PARD3B: variants seen among roughly 807,000 people sequenced by gnomAD.
The protein encoded by PARD3B is par-3 family cell polarity regulator beta.
PARD3B carries 103 observed loss-of-function variants against 130.2 expected under a neutral mutation model. The ratio of observed to expected loss-of-function variants is 0.79; its 90% confidence interval spans 0.67 to 0.93. PARD3B has a LOEUF of 0.93. PARD3B is among the 40% of genes least tolerant of loss of function. The pLI is 0.00. For synonymous variants in PARD3B, 583 were observed against 553.2 expected (o/e 1.05, Z -0.76); for missense variants, 1,609 against 1,499.2 (o/e 1.07, Z -1.21).
chr2:204,653,278 TAAAATTAA>T (rs1269866026), intron 1 of PARD3B, among the ~76,000 whole-genome samples: 4 of 64,716 alleles, frequency 6.2e-5, no homozygotes, highest in Admixed American at 3.3e-4. Context: ...AAATAAAAGT[TAAAATTAA>T]AAAAAAAAAA....
chr2:205,410,667 C>T (rs1371954857), intron 19 of PARD3B, among the ~76,000 whole-genome samples: 2 of 152,094 alleles, frequency 1.3e-5, no homozygotes, highest in East Asian at 1.9e-4. Context: ...TCTTAATTTG[C>T]TGAAACTGGT....
chr2:205,083,613 T>TA (rs1208918275), intron 4 of PARD3B, among the ~76,000 whole-genome samples: 3 of 151,872 alleles, frequency 2.0e-5, no homozygotes, highest in Non-Finnish European at 4.4e-5. Flanking sequence ...TTTTTTTTTT[T>TA]AGTTTTATTT....
intron 20 of PARD3B, among the ~76,000 whole-genome samples, chr2:205,453,045 T>A (rs2048159002): frequency 6.6e-6 from 1 of 152,236 alleles, no homozygotes; most frequent in African/African-American, 2.4e-5. Context: ...TTGGAAGGTA[T>A]ATGCAGAATT....
intron 22 of PARD3B, among the ~76,000 whole-genome samples, chr2:205,588,730 A>G (rs1334955948): frequency 6.6e-6 from 1 of 152,374 alleles, no homozygotes; most frequent in East Asian, 1.9e-4. Context: ...ATACTTCAAT[A>G]AAATTTTTAA....
rs73068912 is a variant in PARD3B, at chr2:205,253,838, T to C, written c.2185+8016T>C. On this transcript the variant is annotated intron_variant, in intron 16 of 22. Transcript: ENST00000406610. The surrounding 1 kb of genome is among the most constrained non-coding windows in gnomAD (Gnocchi z 4.4). ...ATGATATGGGTGTGAGAAGCTTCAA[T>C]TGAGAAAGCTGCTGAGAAAGTAGAA... Among the ~76,000 whole-genome samples, 17,388 of 151,978 alleles carry C rather than the reference T, an allele frequency of 0.11. 1,118 individuals are homozygous for C. Among genetic ancestry groups the C allele is most frequent in the African/African-American group, 0.17 (7,137 of 41,434 alleles).
intron 18 of PARD3B, among the ~76,000 whole-genome samples, chr2:205,332,146 T>C (rs2105778387): frequency 6.6e-6 from 1 of 152,262 alleles, no homozygotes; most frequent in Middle Eastern, 3.4e-3. Context: ...GATATCATTG[T>C]AATATAAAAG....
chr2:205,243,017 T>C (rs997905499), intron 15 of PARD3B, among the ~76,000 whole-genome samples: 1 of 151,956 alleles, frequency 6.6e-6, no homozygotes, highest in Non-Finnish European at 1.5e-5. Context: ...AAATACAAAA[T>C]TAGCAGGGCA....
In PARD3B at chr2:204,677,688, T is replaced by C. The variant is rs2036620213; in HGVS notation, c.121-8493T>C. Among the ~76,000 whole-genome samples the C allele has an allele frequency of 6.6e-6, 1 of 152,304 alleles. No homozygotes were observed. The highest frequency in any genetic ancestry group is 2.4e-5 in the African/African-American group (1 of 41,564). On this transcript the variant is annotated intron_variant, in intron 1 of 22. Coordinates refer to ENST00000406610, the MANE Select transcript of PARD3B (RefSeq NM_001302769.2). This position sits in a 1 kb window ranked among gnomAD's most constrained non-coding sequence, Gnocchi z 4.1. ...CTTGTATTATCATAGCCTAAGATGG[T>C]AATAATAATATTTTTAGCAGACTCA... is the stretch of plus-strand genomic sequence containing the variant.
intron 20 of PARD3B, among the ~76,000 whole-genome samples, chr2:205,449,572 C>T (rs538419755): frequency 6.6e-6 from 1 of 152,068 alleles, no homozygotes; most frequent in Non-Finnish European, 1.5e-5. Flanking sequence ...AATAATGTGT[C>T]CATTTAGACT....
At position 205,575,084 on chromosome 2, in the gene PARD3B, GACACAC is replaced by G. The variant is rs3077829; in HGVS notation, c.3260+21706_3260+21711del. On this transcript the variant is annotated intron_variant, in intron 22 of 22. Coordinates refer to ENST00000406610, the MANE Select transcript of PARD3B (RefSeq NM_001302769.2). This position sits in a 1 kb window ranked among gnomAD's most constrained non-coding sequence, Gnocchi z 4.6. Reference sequence around the variant, plus strand: ...AATACATTATATACACATTTAAATAGACACACACACACACACACACACACACACACG... The same window carrying G: ...AATACATTATATACACATTTAAATAGACACACACACACACACACACACACG... Among the ~76,000 whole-genome samples, 48 of 128,582 alleles carry G rather than the reference GACACAC, an allele frequency of 3.7e-4. No individual in the cohort carries two copies. Among genetic ancestry groups the G allele is most frequent in the Admixed American group, 2.0e-3 (26 of 13,188 alleles). The allele number at this position is 128,582 out of a possible 152,430, so 84.4% of individuals were successfully genotyped here.
intron 18 of PARD3B, among the ~76,000 whole-genome samples, chr2:205,320,858 T>C (rs2042729103): frequency 6.6e-6 from 1 of 152,218 alleles, no homozygotes; most frequent in African/African-American, 2.4e-5. Context: ...TGTTCCTTTA[T>C]TTTGCTGATA....
intron 11 of PARD3B, among the ~76,000 whole-genome samples, chr2:205,170,195 G>T (rs187697426): frequency 1.1e-4 from 16 of 152,288 alleles, no homozygotes; most frequent in Admixed American, 9.8e-4. Flanking sequence ...CTCCCAGAGT[G>T]CTGGGGTTAC....
At chr2:204,855,464 C>T (rs1038291825) in intron 2 of PARD3B, among the ~76,000 whole-genome samples, 1 of 151,470 alleles carries the variant, frequency 6.6e-6, no homozygotes, top group South Asian at 2.1e-4. Context: ...ATCACTTGAA[C>T]CCAGGAGGCA....
rs1574749343 is a variant in PARD3B at position 205,341,196 on chromosome 2, T to C, written c.2630+39495T>C. On this transcript the variant is annotated intron_variant, in intron 18 of 22. Transcript: ENST00000406610. This position sits in a 1 kb window ranked among gnomAD's most constrained non-coding sequence, Gnocchi z 4.3. ...GGAAACAGTATAGTGGTTTAAAATC[T>C]ATATTAAAATTAGGACTGCCATGCA... Among the ~76,000 whole-genome samples, 2 of 152,130 alleles carry C rather than the reference T, an allele frequency of 1.3e-5. No individual in the cohort carries two copies. The highest frequency in any genetic ancestry group is 3.9e-4 in the East Asian group (2 of 5,190).
rs776583001 is a variant in PARD3B at position 205,607,831 on chromosome 2, T to TACACACACACACAC, written c.3261-7589_3261-7576dup. Among the ~76,000 whole-genome samples the TACACACACACACAC allele has an allele frequency of 2.5e-3, 286 of 116,180 alleles. 2 individuals carry two copies. The highest frequency in any genetic ancestry group is 9.1e-3 in the African/African-American group (222 of 24,524). The allele number at this position is 116,180 out of a possible 152,430, so 76.2% of individuals were successfully genotyped here. A position where few individuals can be genotyped will look rare whatever the true frequency, so the allele number is the denominator to read the frequency against. ...TGGAGGCCCTCTCCCCCAACACCCATACACACACACACACACACACACACA... is the reference window on the plus strand; with the variant it reads ...TGGAGGCCCTCTCCCCCAACACCCATACACACACACACACACACACACACACACACACACACACA... On this transcript the variant is annotated intron_variant, in intron 22 of 22. Transcript: ENST00000406610.
At chr2:205,474,839 T>C (rs532803059) in intron 20 of PARD3B, among the ~76,000 whole-genome samples, 1 of 152,162 alleles carries the variant, frequency 6.6e-6, no homozygotes, top group African/African-American at 2.4e-5. Flanking sequence ...ACTAATTTGA[T>C]TCATGAAAAA....
intron 4 of PARD3B, among the ~76,000 whole-genome samples, chr2:205,088,350 T>C (rs1237992858): frequency 6.6e-6 from 1 of 152,182 alleles, no homozygotes; most frequent in East Asian, 1.9e-4. Flanking sequence ...CATGAGCACA[T>C]TGAGGATTGA....
At chr2:205,555,189 A>G (rs996300783) in intron 22 of PARD3B, among the ~76,000 whole-genome samples, 2 of 152,232 alleles carry the variant, frequency 1.3e-5, no homozygotes, top group Non-Finnish European at 2.9e-5. Flanking sequence ...CTGCACTCAG[A>G]GTGCAGAAAT....
At chr2:205,059,190 CT>C (rs1699915930) in intron 4 of PARD3B, among the ~76,000 whole-genome samples, 1 of 151,980 alleles carries the variant, frequency 6.6e-6, no homozygotes, top group Non-Finnish European at 1.5e-5. Flanking sequence ...AAAGGTTATT[CT>C]TTCCCCCATT....
Sources: gnomAD v4.1 joint callset for allele counts (sites outside exome capture counted in the v4.1 genomes callset) on GRCh38, gnomAD v4.1.1 for gene constraint, Gnocchi (gnomAD v3.1) non-coding constraint, MANE v1.5 for transcripts, NCBI Gene and HGNC (gene_info 2026-07-23, HGNC 2026-07-21) for gene names.